The following MAP6 variants were observed in gnomAD, a reference collection of about 807,000 sequenced individuals.
MAP6 encodes microtubule-associated protein 6.
In MAP6, 26 loss-of-function variants were observed where a neutral mutation model predicts 42.4. The observed-to-expected ratio is 0.61, with a 90% CI of 0.45 to 0.85. MAP6 has a LOEUF of 0.85. Ranked by LOEUF, MAP6 falls within the 40% of genes least tolerant of loss-of-function variation. MAP6 has a pLI of 0.00. For synonymous variants in MAP6, 418 were observed against 443.8 expected (o/e 0.94, Z 0.73); for missense variants, 966 against 1,099.0 (o/e 0.88, Z 1.71).
chr11:75,591,604 T>C (rs988609529), intron 3 of MAP6, among the ~76,000 whole-genome samples: 1 of 152,230 alleles, frequency 6.6e-6, no homozygotes, highest in Non-Finnish European at 1.5e-5. Context: ...CCAGCTGTCC[T>C]TGGGCATGGC....
At position 75,587,284 on chromosome 11, in the gene MAP6, A is replaced by T. The variant is rs1464083932; in HGVS notation, c.2217T>A (p.Gly739=). The change falls in exon 4 of 4, where the codon GGT becomes GGA. Residue 739 remains glycine, a synonymous_variant. Coordinates refer to ENST00000304771, the MANE Select transcript of MAP6 (RefSeq NM_033063.2). Reference sequence around the variant, plus strand: ...TCTTCAGAGGTTCAGGGACTATACGACCTTGATTCTTTGGAGGCTGTAGGA... The same window carrying T: ...TCTTCAGAGGTTCAGGGACTATACGTCCTTGATTCTTTGGAGGCTGTAGGA... The part of the protein sequence containing the change: ...PTVLQPPKNQ[G]RIVPEPLKNQ... The T allele has an allele frequency of 1.9e-6, 3 of 1,614,048 alleles. No homozygotes were observed. In the Admixed American group the frequency reaches 5.0e-5, roughly 27 times the overall value.
At chr11:75,588,872 G>C (rs186225348) in intron 3 of MAP6, among the ~76,000 whole-genome samples, 2 of 152,232 alleles carry the variant, frequency 1.3e-5, no homozygotes, top group African/African-American at 4.8e-5. Context: ...TTGTAGAGAC[G>C]GGGCCTCACT....
At chr11:75,629,595 T>C (rs116433367) in intron 1 of MAP6, among the ~76,000 whole-genome samples, 59 of 152,346 alleles carry the variant, frequency 3.9e-4, no homozygotes, top group African/African-American at 1.3e-3. Context: ...TTTATATTCT[T>C]ATATTCTTTT....
intron 2 of MAP6, chr11:75,607,642 C>T: frequency 1.0e-6 from 1 of 985,274 alleles, no homozygotes; most frequent in Non-Finnish European, 1.2e-6. Flanking sequence ...AGGGCAGGTG[C>T]TTTTCAGGGA....
rs1456359324 is a variant in MAP6 at position 75,647,298 on chromosome 11, A to G, written c.905+20167T>C. 5.5e-5 allele frequency among the ~76,000 whole-genome samples: 8 copies of G among 144,790 alleles called. No homozygotes were observed. The East Asian group carries it at 1.6e-3, about 30-fold the overall frequency. The allele number at this position is 144,790 out of a possible 152,430, so 95.0% of individuals were successfully genotyped here. A position where few individuals can be genotyped will look rare whatever the true frequency, so the allele number is the denominator to read the frequency against. On this transcript the variant is annotated intron_variant, in intron 1 of 3. Transcript: ENST00000304771. ...GTGCCCGGCTGAAACTTACTTTTTA[A>G]TTCTTAAATAAAAATAAGAATAGCT...
chr11:75,633,474 G>C (rs1405148870), intron 1 of MAP6, among the ~76,000 whole-genome samples: 1 of 152,228 alleles, frequency 6.6e-6, no homozygotes, highest in Admixed American at 6.5e-5. Context: ...GGATACAACA[G>C]AGGACAGAGG....
chr11:75,642,620 A>G (rs1255703515), intron 1 of MAP6: 1 of 188,840 alleles, frequency 5.3e-6, no homozygotes. Context: ...CATCCCATTC[A>G]TCATTGTTTG....
At position 75,667,974 on chromosome 11, in the gene MAP6, C is replaced by T. The variant is rs531469715; in HGVS notation, c.396G>A (p.Arg132=). The T allele has an allele frequency of 4.5e-5, 58 of 1,302,568 alleles. No individual in the cohort carries two copies. In the Middle Eastern group the frequency reaches 9.9e-4, roughly 22 times the overall value. 80.7% of individuals were successfully genotyped at this position (1,302,568 alleles called of 1,614,324 possible). Residue 132 remains arginine (R), a synonymous_variant, in exon 1 of 4, where the codon CGG becomes CGA. Coordinates refer to ENST00000304771, the MANE Select transcript of MAP6 (RefSeq NM_033063.2). This position sits in a 1 kb window ranked among gnomAD's most constrained non-coding sequence, Gnocchi z 5.6. ...RQDYRAWKVQ[R]PEPSCRPRSE... ...TGCGCGGCCGGCAGCTGGGCTCGGG[C>T]CGCTGCACCTTCCAGGCTCGGTAAT...
intron 1 of MAP6, among the ~76,000 whole-genome samples, chr11:75,664,954 T>C (rs910041208): frequency 2.6e-5 from 4 of 152,156 alleles, no homozygotes; most frequent in African/African-American, 4.8e-5. Context: ...ATTGAAGAAA[T>C]TGATGTTTCT....
At chr11:75,643,812 G>GGCTCA (rs1179958935) in intron 1 of MAP6, among the ~76,000 whole-genome samples, 2 of 152,166 alleles carry the variant, frequency 1.3e-5, no homozygotes, top group African/African-American at 4.8e-5. Context: ...AGGAAGGTGA[G>GGCTCA]GCTCAGAGAA....
Position 75,667,489 on chromosome 11 carries a change from G to A in MAP6, c.881C>T (p.Ala294Val). 5 of 1,509,638 alleles carry A rather than the reference G, an allele frequency of 3.3e-6. No homozygotes were observed. Among genetic ancestry groups the A allele is most frequent in the African/African-American group, 1.4e-5 (1 of 69,614 alleles). 93.5% of individuals were successfully genotyped at this position (1,509,638 alleles called of 1,614,324 possible). A position where few individuals can be genotyped will look rare whatever the true frequency, so the allele number is the denominator to read the frequency against. Residue 294 changes from alanine (A) to valine (V), a missense_variant, in exon 1 of 4, where the codon GCG becomes GTG. Coordinates refer to ENST00000304771, the MANE Select transcript of MAP6 (RefSeq NM_033063.2). This position sits in a 1 kb window ranked among gnomAD's most constrained non-coding sequence, Gnocchi z 5.6. ...ALNRQIREEVASAVSSSYRNE... is the reference protein window; with the variant it reads ...ALNRQIREEVVSAVSSSYRNE... ...CCTGTAGGAGCTGCTCACTGCACTC[G>A]CCACCTCCTCGCGGATTTGCCGGTT...
At chr11:75,659,764 T>G (rs1943811441) in intron 1 of MAP6, among the ~76,000 whole-genome samples, 1 of 152,206 alleles carries the variant, frequency 6.6e-6, no homozygotes. Flanking sequence ...TAGAGATAGC[T>G]CCTTAATCTT....
intron 1 of MAP6, among the ~76,000 whole-genome samples, chr11:75,634,414 C>G (rs958427834): frequency 6.6e-6 from 1 of 152,168 alleles, no homozygotes; most frequent in African/African-American, 2.4e-5. Context: ...GTAGCTGGGA[C>G]TGCAGGCATG....
At chr11:75,628,680 A>G (rs1194813115) in intron 1 of MAP6, among the ~76,000 whole-genome samples, 1 of 152,210 alleles carries the variant, frequency 6.6e-6, no homozygotes, top group East Asian at 1.9e-4. Context: ...ATTTCCTGAC[A>G]TTTGCCAAGT....
At chr11:75,591,500 G>C (rs1034591154) in intron 3 of MAP6, among the ~76,000 whole-genome samples, 3 of 152,166 alleles carry the variant, frequency 2.0e-5, no homozygotes, top group Non-Finnish European at 4.4e-5. Flanking sequence ...CGTGAGGCTG[G>C]TATGAATGAG....
At chr11:75,603,345 C>A (rs938330083) in intron 3 of MAP6, 7 of 985,710 alleles carry the variant, frequency 7.1e-6, no homozygotes, top group Non-Finnish European at 8.4e-6. Context: ...GCTTGTGGAA[C>A]CAAAATCAGT....
intron 1 of MAP6, among the ~76,000 whole-genome samples, chr11:75,628,028 C>A (rs1943226038): frequency 6.6e-6 from 1 of 152,124 alleles, no homozygotes; most frequent in Non-Finnish European, 1.5e-5. Context: ...TCAAGGACAC[C>A]CGGATCTCAG....
At chr11:75,621,980 G>T (rs1943119633) in intron 1 of MAP6, among the ~76,000 whole-genome samples, 4 of 152,052 alleles carry the variant, frequency 2.6e-5, no homozygotes, top group Admixed American at 1.3e-4. Flanking sequence ...CTGAGATCAT[G>T]CCACTGCACT....
At chr11:75,646,302 C>T (rs1943551876) in intron 1 of MAP6, among the ~76,000 whole-genome samples, 1 of 151,856 alleles carries the variant, frequency 6.6e-6, no homozygotes, top group Admixed American at 6.6e-5. Context: ...ATCTCTAAAG[C>T]AGGAGAGTGA....
Sources: allele counts gnomAD v4.1 joint callset (sites outside exome capture counted in the v4.1 genomes callset), GRCh38; gene constraint gnomAD v4.1.1; non-coding constraint Gnocchi (gnomAD v3.1); transcripts MANE v1.5; gene names NCBI Gene and HGNC (gene_info 2026-07-23, HGNC 2026-07-21).